Variants in MAML2 observed in about 807,000 individuals in gnomAD.
MAML2 encodes the protein mastermind like transcriptional coactivator 2.
A neutral mutation model predicts 96.1 loss-of-function variants in MAML2; 22 were observed. That is an observed-to-expected ratio of 0.23 (90% confidence interval 0.16 to 0.33). The LOEUF (loss-of-function observed/expected upper bound fraction) is 0.33, where lower values mean the gene tolerates loss of function less well. MAML2 is among the 10% of genes least tolerant of loss of function. The pLI is 1.00. For synonymous variants in MAML2, 561 were observed against 521.3 expected (o/e 1.08, Z -1.04); for missense variants, 1,367 against 1,392.4 (o/e 0.98, Z 0.29).
At chr11:96,146,498 A>G (rs1368887033) in intron 1 of MAML2, among the ~76,000 whole-genome samples, 2 of 152,228 alleles carry the variant, frequency 1.3e-5, no homozygotes, top group Admixed American at 1.3e-4. Flanking sequence ...TCTAAGATAT[A>G]TCACCTGCCA....
At chr11:96,036,273 C>T (rs1337980521) in intron 2 of MAML2, among the ~76,000 whole-genome samples, 1 of 151,940 alleles carries the variant, frequency 6.6e-6, no homozygotes, top group African/African-American at 2.4e-5. Flanking sequence ...AGGTATAGGG[C>T]CCAAGAAAAA....
chr11:96,062,253 T>A (rs942744982), intron 2 of MAML2, among the ~76,000 whole-genome samples: 1 of 152,176 alleles, frequency 6.6e-6, no homozygotes, highest in African/African-American at 2.4e-5. Context: ...TGCCTCAACC[T>A]CATATTGCCC....
At chr11:96,033,809 C>T (rs1858656472) in intron 2 of MAML2, among the ~76,000 whole-genome samples, 1 of 152,024 alleles carries the variant, frequency 6.6e-6, no homozygotes, top group Admixed American at 6.6e-5. Context: ...TTTCAGAGAG[C>T]TCTTGGAAGG....
Position 96,198,972 on chromosome 11 carries a change from C to T in MAML2, c.514-105455G>A, listed in dbSNP as rs769398531. ...CAGCACTTTGGGAGGCCGAGGCAGG[C>T]GGATCACAAGGTCAGGAGTTCAAGA... On this transcript the variant is annotated intron_variant, in intron 1 of 4. Transcript: ENST00000524717. Among the ~76,000 whole-genome samples, 85 of 151,244 alleles carry T rather than the reference C, an allele frequency of 5.6e-4. 1 individual carries two copies. Among genetic ancestry groups the T allele is most frequent in the South Asian group, 2.5e-3 (12 of 4,756 alleles).
chr11:96,136,492 C>A (rs989543209), intron 1 of MAML2, among the ~76,000 whole-genome samples: 1 of 152,104 alleles, frequency 6.6e-6, no homozygotes, highest in African/African-American at 2.4e-5. Context: ...AGTCTTCCCC[C>A]ACCCCCCAAA....
intron 2 of MAML2, among the ~76,000 whole-genome samples, chr11:96,058,028 A>C (rs1859096463): frequency 6.6e-6 from 1 of 152,188 alleles, no homozygotes; most frequent in Non-Finnish European, 1.5e-5. Context: ...AATTCACTAA[A>C]AGTTAGGTCT....
intron 2 of MAML2, among the ~76,000 whole-genome samples, chr11:96,037,747 G>A (rs1367490638): frequency 6.6e-6 from 1 of 152,188 alleles, no homozygotes; most frequent in South Asian, 2.1e-4. Context: ...ACAGAGCCTG[G>A]ATGTGTCACC....
At chr11:96,223,259 A>G (rs1024949451) in intron 1 of MAML2, among the ~76,000 whole-genome samples, 6 of 152,186 alleles carry the variant, frequency 3.9e-5, no homozygotes, top group Admixed American at 6.5e-5. Context: ...TTTATTACTC[A>G]TGGAAACATC....
chr11:96,268,037 A>G (rs2135978039), intron 1 of MAML2, among the ~76,000 whole-genome samples: 1 of 152,366 alleles, frequency 6.6e-6, no homozygotes, highest in Non-Finnish European at 1.5e-5. Context: ...TTTTGTTGAC[A>G]GGTACATACA....
At chr11:96,246,774 G>A (rs1008112542) in intron 1 of MAML2, among the ~76,000 whole-genome samples, 1 of 152,114 alleles carries the variant, frequency 6.6e-6, no homozygotes, top group African/African-American at 2.4e-5. Context: ...CATGTTGACT[G>A]TTCAATGTAA....
chr11:96,340,436 G>A (rs531196967), intron 1 of MAML2, among the ~76,000 whole-genome samples: 16 of 152,350 alleles, frequency 1.1e-4, no homozygotes, highest in Middle Eastern at 3.4e-3. Flanking sequence ...CAGCAGCTTT[G>A]GGGGGAAGCC....
At chr11:96,334,589 CCA>C (rs1250271876) in intron 1 of MAML2, among the ~76,000 whole-genome samples, 3 of 151,978 alleles carry the variant, frequency 2.0e-5, no homozygotes, top group African/African-American at 4.8e-5. Flanking sequence ...ATTTCTAACC[CCA>C]CTCACCTCCC....
intron 1 of MAML2, among the ~76,000 whole-genome samples, chr11:96,140,199 A>G (rs1335324453): frequency 6.6e-6 from 1 of 152,248 alleles, no homozygotes. Flanking sequence ...TGTGGCAAGC[A>G]CAAAAGCCAG....
intron 2 of MAML2, among the ~76,000 whole-genome samples, chr11:96,042,744 CTTT>C (rs767509829): frequency 2.6e-5 from 3 of 116,218 alleles, no homozygotes; most frequent in Non-Finnish European, 3.4e-5. Context: ...CGTTAACGTT[CTTT>C]TTTTTTTTTT....
intron 2 of MAML2, among the ~76,000 whole-genome samples, chr11:95,995,845 T>C (rs1329420653): frequency 6.6e-6 from 1 of 152,200 alleles, no homozygotes; most frequent in Non-Finnish European, 1.5e-5. Flanking sequence ...TTAAGATCTC[T>C]GGCATACAGT....
chr11:96,093,591 T>C (rs768231942), intron 1 of MAML2, 74 bp from the exon 2 acceptor site: 7 of 1,107,622 alleles, frequency 6.3e-6, no homozygotes, highest in Non-Finnish European at 9.1e-6. Context: ...AAAAGTGATG[T>C]GATATTTAAA....
intron 1 of MAML2, among the ~76,000 whole-genome samples, chr11:96,202,405 G>A (rs1861839535): frequency 6.6e-6 from 1 of 151,358 alleles, no homozygotes; most frequent in Non-Finnish European, 1.5e-5. Flanking sequence ...GAGTAACCAA[G>A]TCTACATGAA....
chr11:96,244,620 C>G (rs1323595102), intron 1 of MAML2, among the ~76,000 whole-genome samples: 1 of 152,202 alleles, frequency 6.6e-6, no homozygotes, highest in South Asian at 2.1e-4. Context: ...ACACAAAGTT[C>G]TTTACATGCA....
At chr11:95,991,477 G>A (rs373401712) in intron 3 of MAML2, 43 bp downstream of exon 3, 2 of 1,561,146 alleles carry the variant, frequency 1.3e-6, no homozygotes, top group Non-Finnish European at 1.8e-6. Context: ...TCCCTCTGTT[G>A]GGTCAACAGG....
Sources: gnomAD v4.1 joint callset for allele counts (sites outside exome capture counted in the v4.1 genomes callset) on GRCh38, gnomAD v4.1.1 for gene constraint, MANE v1.5 for transcripts, NCBI Gene and HGNC (gene_info 2026-07-23, HGNC 2026-07-21) for gene names.